The following PGBD5 variants were observed in gnomAD, a reference collection of about 807,000 sequenced individuals.
PGBD5 encodes piggyBac transposable element derived 5.
PGBD5 carries 14 observed loss-of-function variants against 47.9 expected under a neutral mutation model. That is an observed-to-expected ratio of 0.29 (90% CI 0.19 to 0.46). PGBD5 has a LOEUF of 0.46. PGBD5 is among the 20% of genes least tolerant of loss of function. The pLI, the probability that PGBD5 is intolerant of heterozygous loss-of-function variation, is 1.00. For missense variants in PGBD5, 635 were observed against 716.0 expected, an observed-to-expected ratio of 0.89 and a Z score of 1.29; for synonymous variants, 316 against 306.3, an observed-to-expected ratio of 1.03 and a Z score of -0.33.
intron 1 of PGBD5, among the ~76,000 whole-genome samples, chr1:230,399,617 C>T (rs4846957): frequency 2.0e-5 from 3 of 152,376 alleles, no homozygotes; most frequent in Admixed American, 2.0e-4. Flanking sequence ...CTCTCTCAGA[C>T]ATCTGCTACC....
intron 1 of PGBD5, among the ~76,000 whole-genome samples, chr1:230,363,768 G>A (rs759532682): frequency 6.6e-6 from 1 of 152,076 alleles, no homozygotes; most frequent in Non-Finnish European, 1.5e-5. Context: ...TAAGAGGATG[G>A]AATCATTTAT....
chr1:230,425,836 G>A lies in PGBD5; in HGVS notation c.93C>T (p.Asp31=). The A allele has an allele frequency of 8.3e-7, 1 of 1,204,676 alleles. No homozygotes were observed. Among genetic ancestry groups the A allele is most frequent in the Non-Finnish European group, 1.0e-6 (1 of 970,772 alleles). The allele number at this position is 1,204,676 out of a possible 1,614,324, so 74.6% of individuals were successfully genotyped here. A position where few individuals can be genotyped will look rare whatever the true frequency, so the allele number is the denominator to read the frequency against. The change falls in exon 1 of 7, where the codon GAC becomes GAT. Residue 31 remains aspartate (D), a synonymous_variant. Transcript: ENST00000391860. This position sits in a 1 kb window ranked among gnomAD's most constrained non-coding sequence, Gnocchi z 4.7. Reference sequence around the variant, plus strand: ...TGTCCGGGCCGGACTCGCCGAACACGTCGTCCGAGATGTGCAGGCTCTCGT... The same window carrying A: ...TGTCCGGGCCGGACTCGCCGAACACATCGTCCGAGATGTGCAGGCTCTCGT... The part of the protein sequence containing the change: ...ARYESLHISD[D]VFGESGPDSG...
intron 1 of PGBD5, among the ~76,000 whole-genome samples, chr1:230,391,210 A>G (rs538798120): frequency 1.3e-5 from 2 of 152,282 alleles, no homozygotes; most frequent in South Asian, 2.1e-4. Flanking sequence ...TGACATCTGG[A>G]ACAAAGCAGA....
intron 1 of PGBD5, among the ~76,000 whole-genome samples, chr1:230,391,652 C>A (rs1358234455): frequency 6.6e-6 from 1 of 152,166 alleles, no homozygotes; most frequent in African/African-American, 2.4e-5. Flanking sequence ...TGTGAGGTAC[C>A]AAGGAGAGAG....
intron 2 of PGBD5, among the ~76,000 whole-genome samples, chr1:230,352,011 A>G (rs1018510178): frequency 3.9e-5 from 6 of 152,204 alleles, no homozygotes; most frequent in African/African-American, 1.4e-4. Context: ...TCCTATCTCA[A>G]GCTTAATTAT....
chr1:230,360,005 T>C (rs927378482), intron 1 of PGBD5, among the ~76,000 whole-genome samples: 1 of 152,160 alleles, frequency 6.6e-6, no homozygotes, highest in Non-Finnish European at 1.5e-5. Context: ...CTACTCCTAA[T>C]GAAAATCATT....
intron 5 of PGBD5, 72 bp downstream of exon 5, chr1:230,332,772 G>T: frequency 6.4e-7 from 1 of 1,555,670 alleles, no homozygotes; most frequent in Non-Finnish European, 8.8e-7. Flanking sequence ...CACATCCACC[G>T]CAGCGGTGGG....
chr1:230,338,088 C>A (rs1667354303), intron 3 of PGBD5, among the ~76,000 whole-genome samples: 1 of 152,244 alleles, frequency 6.6e-6, no homozygotes, highest in African/African-American at 2.4e-5. Flanking sequence ...GTTCATAGAT[C>A]TGAGCCTGCC....
intron 1 of PGBD5, among the ~76,000 whole-genome samples, chr1:230,401,992 G>T (rs1470051422): frequency 6.6e-6 from 1 of 152,216 alleles, no homozygotes; most frequent in Non-Finnish European, 1.5e-5. Context: ...CACACTGTAA[G>T]ACAGCAGCAG....
intron 1 of PGBD5, among the ~76,000 whole-genome samples, chr1:230,396,293 ACC>A (rs202246183): frequency 3.7e-4 from 22 of 58,974 alleles, no homozygotes; most frequent in Middle Eastern, 0.014. Flanking sequence ...CTTCCCTTTT[ACC>A]CCCACACTCC....
At chr1:230,424,271 T>C (rs1315157021) in intron 1 of PGBD5, among the ~76,000 whole-genome samples, 6 of 152,152 alleles carry the variant, frequency 3.9e-5, no homozygotes, top group South Asian at 2.1e-4. Context: ...CTGGAAAATA[T>C]AGGACAGTAT....
chr1:230,384,399 T>C (rs2102728125), intron 1 of PGBD5, among the ~76,000 whole-genome samples: 1 of 152,198 alleles, frequency 6.6e-6, no homozygotes, highest in Non-Finnish European at 1.5e-5. Context: ...TGAGACTGTG[T>C]AGAGGGACTC....
rs763725692 is a variant in PGBD5, at chr1:230,333,046, G to A, written c.1076-5C>T. The A allele has an allele frequency of 1.6e-5, 25 of 1,586,558 alleles. No individual in the cohort carries two copies. Among genetic ancestry groups the A allele is most frequent in the Middle Eastern group, 1.7e-4 (1 of 5,788 alleles). On this transcript the variant is annotated splice_polypyrimidine_tract_variant and splice_region_variant and intron_variant, in intron 4 of 6. Transcript: ENST00000391860. ...GCAAGCCGCAGCAGTAAATCCCTGA[G>A]GGGAGAGGGAGGAAGGATCGCACAC...
intron 1 of PGBD5, among the ~76,000 whole-genome samples, chr1:230,421,625 C>G (rs945905647): frequency 6.6e-6 from 1 of 152,310 alleles, no homozygotes; most frequent in Non-Finnish European, 1.5e-5. Context: ...AGTTTCACCC[C>G]CTACATGAAC....
intron 1 of PGBD5, among the ~76,000 whole-genome samples, chr1:230,410,672 A>G (rs1488166580): frequency 2.0e-5 from 3 of 152,172 alleles, no homozygotes; most frequent in Non-Finnish European, 4.4e-5. Context: ...ACTCCAGAAG[A>G]TTTACTCTGA....
intron 1 of PGBD5, among the ~76,000 whole-genome samples, chr1:230,369,366 C>T (rs540082271): frequency 6.6e-6 from 1 of 152,356 alleles, no homozygotes; most frequent in Admixed American, 6.5e-5. Flanking sequence ...ACTGCTTGCC[C>T]TCTGCTCACC....
chr1:230,414,834 T>C (rs115797833), intron 1 of PGBD5, among the ~76,000 whole-genome samples: 125 of 152,358 alleles, frequency 8.2e-4, no homozygotes, highest in African/African-American at 3.0e-3. Context: ...GCTTTACATG[T>C]GCATTCTGAA....
intron 1 of PGBD5, among the ~76,000 whole-genome samples, chr1:230,419,143 A>T (rs1217276519): frequency 6.6e-6 from 1 of 152,246 alleles, no homozygotes; most frequent in African/African-American, 2.4e-5. Context: ...AATAGCAAAG[A>T]CACAGAATCA....
intron 3 of PGBD5, among the ~76,000 whole-genome samples, chr1:230,347,330 T>A (rs181514893): frequency 6.6e-6 from 1 of 152,190 alleles, no homozygotes; most frequent in African/African-American, 2.4e-5. Flanking sequence ...AACTGGCTCA[T>A]GCAAATTACA....
Sources: gnomAD v4.1 joint callset for allele counts (sites outside exome capture counted in the v4.1 genomes callset) on GRCh38, gnomAD v4.1.1 for gene constraint, Gnocchi (gnomAD v3.1) non-coding constraint, MANE v1.5 for transcripts, NCBI Gene and HGNC (gene_info 2026-07-23, HGNC 2026-07-21) for gene names.